The following PDE4D variants were observed in gnomAD, a reference collection of about 807,000 sequenced individuals.
PDE4D encodes the protein 3',5'-cyclic-AMP phosphodiesterase 4D.
Under a neutral mutation model 87.4 loss-of-function variants are expected in PDE4D, and 24 were observed. The ratio of observed to expected loss-of-function variants is 0.27; its 90% CI spans 0.20 to 0.39. The LOEUF (loss-of-function observed/expected upper bound fraction) is 0.39, where lower values mean the gene tolerates loss of function less well. Among genes scored for constraint, PDE4D ranks in the 10% least tolerant of loss-of-function variants. PDE4D has a pLI of 1.00. For missense variants in PDE4D, 714 were observed against 1,041.0 expected (o/e 0.69, Z 4.32); for synonymous variants, 384 against 383.2 (o/e 1.00, Z -0.02).
chr5:60,491,719 CAT>C (rs1219616318), upstream of PDE4D, among the ~76,000 whole-genome samples: 1 of 151,672 alleles, frequency 6.6e-6, no homozygotes, highest in Non-Finnish European at 1.5e-5. Context: ...ATGCTAAAAC[CAT>C]ATCTTTGCTT....
intron 5 of PDE4D, among the ~76,000 whole-genome samples, chr5:59,090,763 G>A (rs1768559047): frequency 1.3e-5 from 2 of 148,378 alleles, no homozygotes; most frequent in Admixed American, 1.3e-4. Flanking sequence ...CCTTCGTTGA[G>A]TGCTCCCAAG....
intron 1 of PDE4D, among the ~76,000 whole-genome samples, chr5:60,303,529 G>A (rs564349306): frequency 6.6e-6 from 1 of 151,184 alleles, no homozygotes; most frequent in East Asian, 2.0e-4. Flanking sequence ...GGATGGTCTC[G>A]ATCTCCTGAC....
At chr5:59,078,538 T>C (rs1766107335) in intron 5 of PDE4D, among the ~76,000 whole-genome samples, 2 of 150,758 alleles carry the variant, frequency 1.3e-5, no homozygotes, top group African/African-American at 4.9e-5. Context: ...TGACAGGGTC[T>C]CACTTCAACA....
intron 1 of PDE4D, among the ~76,000 whole-genome samples, chr5:59,863,021 T>C (rs1410841508): frequency 1.3e-5 from 2 of 152,212 alleles, no homozygotes; most frequent in African/African-American, 4.8e-5. Flanking sequence ...AGGAAGAAGG[T>C]AAACTCTTAT....
intron 5 of PDE4D, among the ~76,000 whole-genome samples, chr5:59,042,611 G>A (rs1759877843): frequency 6.6e-6 from 1 of 152,090 alleles, no homozygotes; most frequent in South Asian, 2.1e-4. Context: ...AAACACCCAA[G>A]CAAAAACTAT....
chr5:59,731,021 T>C (rs1757293145), intron 1 of PDE4D, among the ~76,000 whole-genome samples: 1 of 152,146 alleles, frequency 6.6e-6, no homozygotes, highest in Admixed American at 6.6e-5. Flanking sequence ...ACTATAAGAC[T>C]GTGGCTGACA....
intron 2 of PDE4D, among the ~76,000 whole-genome samples, chr5:60,073,129 TATG>T (rs1257963139): frequency 3.9e-5 from 6 of 152,304 alleles, no homozygotes; most frequent in African/African-American, 7.2e-5. Flanking sequence ...GCCCATTCAG[TATG>T]ATGTTGGCTG....
intron 1 of PDE4D, among the ~76,000 whole-genome samples, chr5:59,345,020 G>A (rs1218702134): frequency 1.3e-5 from 2 of 151,922 alleles, no homozygotes; most frequent in African/African-American, 4.8e-5. Context: ...GTTATGGGGA[G>A]CTTTGGAGAT....
At chr5:59,412,721 C>T (rs996942323) in intron 1 of PDE4D, among the ~76,000 whole-genome samples, 3 of 152,106 alleles carry the variant, frequency 2.0e-5, no homozygotes, top group African/African-American at 7.2e-5. Context: ...GAGTATAAAG[C>T]AAAAAGAAAA....
intron 1 of PDE4D, among the ~76,000 whole-genome samples, chr5:59,825,419 C>T (rs1409090920): frequency 6.6e-6 from 1 of 152,062 alleles, no homozygotes; most frequent in Admixed American, 6.6e-5. Flanking sequence ...GGTGGCACTG[C>T]ACATGGGTGG....
chr5:59,113,619 C>T (rs1162201843), intron 5 of PDE4D, among the ~76,000 whole-genome samples: 2 of 152,112 alleles, frequency 1.3e-5, no homozygotes, highest in African/African-American at 2.4e-5. Context: ...AAACATAAAG[C>T]GAAGTGGTAC....
intron 1 of PDE4D, among the ~76,000 whole-genome samples, chr5:59,813,302 G>A (rs1240832987): frequency 6.6e-6 from 1 of 152,132 alleles, no homozygotes; most frequent in Non-Finnish European, 1.5e-5. Flanking sequence ...ACACGTCTTT[G>A]AGGCACTGAC....
At chr5:58,977,674 GT>G (rs1485527016) in intron 11 of PDE4D, among the ~76,000 whole-genome samples, 1 of 152,068 alleles carries the variant, frequency 6.6e-6, no homozygotes, top group Non-Finnish European at 1.5e-5. Flanking sequence ...ATTATTCTTA[GT>G]ATCTATAACA....
At chr5:59,266,639 G>A (rs4700328) in intron 1 of PDE4D, among the ~76,000 whole-genome samples, 37,277 of 151,700 alleles carry the variant, frequency 0.25, 4,876 homozygotes, top group Admixed American at 0.36. Flanking sequence ...TAGGGCTCAC[G>A]GTTGGAGGCT....
chr5:60,216,167 CCA>C, intron 1 of PDE4D, among the ~76,000 whole-genome samples: 1 of 152,020 alleles, frequency 6.6e-6, no homozygotes, highest in East Asian at 1.9e-4. Context: ...ATATAGGGAT[CCA>C]CCTTTGGCCT....
intron 1 of PDE4D, among the ~76,000 whole-genome samples, chr5:59,771,779 A>C (rs1163770896): frequency 6.6e-6 from 1 of 152,214 alleles, no homozygotes; most frequent in Non-Finnish European, 1.5e-5. Context: ...TCTATTCAAA[A>C]TGCATTGATC....
intron 2 of PDE4D, among the ~76,000 whole-genome samples, chr5:60,034,599 C>T (rs557333582): frequency 1.3e-5 from 2 of 152,254 alleles, no homozygotes; most frequent in Non-Finnish European, 2.9e-5. Flanking sequence ...TTAACCACAT[C>T]TGCAAAGTTC....
chr5:59,888,559 T>C (rs1750496791), intron 1 of PDE4D, among the ~76,000 whole-genome samples: 2 of 152,314 alleles, frequency 1.3e-5, no homozygotes, highest in African/African-American at 4.8e-5. Flanking sequence ...TTTCCTTGCA[T>C]TTTTTGCTAT....
chr5:59,357,910 AGC>A (rs1453656417), intron 1 of PDE4D, among the ~76,000 whole-genome samples: 1 of 152,120 alleles, frequency 6.6e-6, no homozygotes, highest in Non-Finnish European at 1.5e-5. Context: ...ACCAAGGGAG[AGC>A]GCCACTTCTT....
Sources: gnomAD v4.1 joint callset for allele counts (sites outside exome capture counted in the v4.1 genomes callset) on GRCh38, gnomAD v4.1.1 for gene constraint, MANE v1.5 for transcripts, NCBI Gene and HGNC (gene_info 2026-07-23, HGNC 2026-07-21) for gene names.